CMSS1: variants seen among roughly 807,000 people sequenced by gnomAD.
CMSS1 encodes cms1 ribosomal small subunit homolog.
Under a neutral mutation model 43.5 loss-of-function variants are expected in CMSS1, and 33 were observed. The ratio of observed to expected loss-of-function variants is 0.76; its 90% CI spans 0.57 to 1.01. The LOEUF (loss-of-function observed/expected upper bound fraction) is 1.01, where lower values mean the gene tolerates loss of function less well. Among genes scored for constraint, CMSS1 ranks in the 50% least tolerant of loss-of-function variants. The pLI, the probability that CMSS1 is intolerant of heterozygous loss-of-function variation, is 0.00. For synonymous variants in CMSS1, 115 were observed against 117.2 expected (o/e 0.98, Z 0.12); for missense variants, 313 against 326.4 (o/e 0.96, Z 0.32).
intron 1 of CMSS1, among the ~76,000 whole-genome samples, chr3:100,068,751 C>T (rs990991745): frequency 6.6e-6 from 1 of 152,150 alleles, no homozygotes; most frequent in African/African-American, 2.4e-5. Flanking sequence ...CCTCAGCCTC[C>T]CAAGTAGCTG....
intron 1 of CMSS1, among the ~76,000 whole-genome samples, chr3:100,080,654 C>T (rs550037797): frequency 6.6e-6 from 1 of 152,264 alleles, no homozygotes; most frequent in Admixed American, 6.5e-5. Context: ...TAGCAAGAGG[C>T]AGTGGGGATG....
rs1707394557 is a variant in CMSS1, at chr3:99,929,279, T to C, written c.64+111236T>C. Among the ~76,000 whole-genome samples, 3 of 152,332 alleles carry C rather than the reference T, an allele frequency of 2.0e-5. No homozygotes were observed. In the South Asian group the frequency reaches 6.2e-4, roughly 32 times the overall value. ...CACCTTTGCCGTTGTAATTGCTAGG[T>C]ACGCTTGGTGAGGGAAAGGTCTTTG... On this transcript the variant is annotated intron_variant, in intron 1 of 9. Coordinates refer to ENST00000421999, the MANE Select transcript of CMSS1 (RefSeq NM_032359.4).
At chr3:99,836,896 C>T (rs1409075496) in intron 1 of CMSS1, among the ~76,000 whole-genome samples, 1 of 152,206 alleles carries the variant, frequency 6.6e-6, no homozygotes, top group Non-Finnish European at 1.5e-5. Context: ...AGGTTTGCCA[C>T]TTTGTGGCAC....
At chr3:100,021,938 TGTGTGTGTGTGTGTGTGTGTGTGA>T (rs1343314687) in intron 1 of CMSS1, among the ~76,000 whole-genome samples, 2 of 126,354 alleles carry the variant, frequency 1.6e-5, no homozygotes, top group African/African-American at 2.9e-5. Context: ...TGTGTGTGTG[TGTGTGTGTGTGTGTGTGTGTGTGA>T]GAGAGAGAGA....
chr3:100,062,242 GCTGGGA>G (rs2065584576), intron 1 of CMSS1, among the ~76,000 whole-genome samples: 1 of 151,282 alleles, frequency 6.6e-6, no homozygotes, highest in Non-Finnish European at 1.5e-5. Flanking sequence ...TGCCCGAGTA[GCTGGGA>G]CTACAGGCGC....
intron 1 of CMSS1, among the ~76,000 whole-genome samples, chr3:100,117,444 T>G (rs2066580353): frequency 6.6e-6 from 1 of 152,046 alleles, no homozygotes; most frequent in Non-Finnish European, 1.5e-5. Flanking sequence ...ACTAGGGCTA[T>G]ATGAGAAAAA....
chr3:100,070,169 GA>G (rs1345761531), intron 1 of CMSS1, among the ~76,000 whole-genome samples: 2 of 152,302 alleles, frequency 1.3e-5, no homozygotes, highest in Non-Finnish European at 2.9e-5. Flanking sequence ...GTTACAGCCA[GA>G]GCATGATTCT....
At chr3:99,985,561 T>G (rs1709313875) in intron 1 of CMSS1, among the ~76,000 whole-genome samples, 3 of 152,110 alleles carry the variant, frequency 2.0e-5, no homozygotes, top group African/African-American at 7.2e-5. Context: ...TTCTCTTCAA[T>G]CTTGTGAATT....
At chr3:99,976,720 CTTATT>C (rs1708982966) in intron 1 of CMSS1, among the ~76,000 whole-genome samples, 1 of 151,998 alleles carries the variant, frequency 6.6e-6, no homozygotes, top group African/African-American at 2.4e-5. Flanking sequence ...ATTTTATTAT[CTTATT>C]TTATTGTTGT....
At chr3:99,985,823 A>G (rs1437150597) in intron 1 of CMSS1, among the ~76,000 whole-genome samples, 1 of 152,148 alleles carries the variant, frequency 6.6e-6, no homozygotes, top group Non-Finnish European at 1.5e-5. Context: ...TCCTGACCTC[A>G]GGTGATCCAC....
intron 1 of CMSS1, among the ~76,000 whole-genome samples, chr3:99,943,006 G>T (rs1326356364): frequency 6.6e-6 from 1 of 152,152 alleles, no homozygotes; most frequent in African/African-American, 2.4e-5. Context: ...AAGGGGCAAA[G>T]AGCTGCTGTG....
intron 1 of CMSS1, among the ~76,000 whole-genome samples, chr3:100,112,110 G>A (rs559753805): frequency 6.6e-6 from 1 of 152,310 alleles, no homozygotes; most frequent in Non-Finnish European, 1.5e-5. Context: ...TACTATAAAA[G>A]TGTTCCCCTA....
Position 99,852,656 on chromosome 3 carries a change from G to C in CMSS1, c.64+34613G>C, listed in dbSNP as rs1005830708. On this transcript the variant is annotated intron_variant, in intron 1 of 9. Transcript: ENST00000421999. Reference sequence around the variant, plus strand: ...AGACAGGGTTTCACCATGTTGGCCAGGATGGTCTCGATCTCCTGACCTTGT... The same window carrying C: ...AGACAGGGTTTCACCATGTTGGCCACGATGGTCTCGATCTCCTGACCTTGT... Among the ~76,000 whole-genome samples the C allele has an allele frequency of 9.2e-5, 14 of 152,166 alleles. No individual in the cohort carries two copies. The East Asian group carries it at 2.7e-3, about 29-fold the overall frequency.
chr3:100,111,593 G>C (rs2066492096), intron 1 of CMSS1, among the ~76,000 whole-genome samples: 2 of 152,136 alleles, frequency 1.3e-5, no homozygotes, highest in Non-Finnish European at 2.9e-5. Context: ...CAGTAGGGCT[G>C]CTCTTTCAGT....
chr3:100,028,080 T>C (rs915735576), intron 1 of CMSS1, among the ~76,000 whole-genome samples: 2 of 152,194 alleles, frequency 1.3e-5, no homozygotes, highest in Non-Finnish European at 2.9e-5. Context: ...AGGAGACGAA[T>C]AATAATAATG....
At chr3:100,160,045 A>T (rs1310029443) in intron 2 of CMSS1, 2 of 401,694 alleles carry the variant, frequency 5.0e-6, no homozygotes, top group African/African-American at 4.2e-5. Flanking sequence ...GGAAAACCTT[A>T]GTCACTCTAG....
chr3:100,046,464 G>A (rs1230637499), intron 1 of CMSS1, among the ~76,000 whole-genome samples: 1 of 151,726 alleles, frequency 6.6e-6, no homozygotes, highest in Non-Finnish European at 1.5e-5. Context: ...TAGCCTAACT[G>A]GTAGATCATA....
chr3:99,920,755 C>T (rs1707100303), intron 1 of CMSS1, among the ~76,000 whole-genome samples: 1 of 152,166 alleles, frequency 6.6e-6, no homozygotes, highest in South Asian at 2.1e-4. Flanking sequence ...TGTGTGACAT[C>T]AGTCTCCTTT....
intron 1 of CMSS1, among the ~76,000 whole-genome samples, chr3:100,088,091 A>G (rs1177683291): frequency 3.9e-5 from 6 of 152,112 alleles, no homozygotes; most frequent in Admixed American, 2.6e-4. Flanking sequence ...TCGGCCTCCC[A>G]AAGTGCTGGG....
Sources: gnomAD v4.1 joint callset for allele counts (sites outside exome capture counted in the v4.1 genomes callset) on GRCh38, gnomAD v4.1.1 for gene constraint, MANE v1.5 for transcripts, NCBI Gene and HGNC (gene_info 2026-07-23, HGNC 2026-07-21) for gene names.